The following CD84 variants were observed in gnomAD, a reference collection of about 807,000 sequenced individuals.
CD84 encodes CD84 molecule.
In CD84, 22 loss-of-function variants were observed where a neutral mutation model predicts 33.8. That is an observed-to-expected ratio of 0.65 (90% CI 0.46 to 0.93). CD84 has a LOEUF of 0.93. Among genes scored for constraint, CD84 ranks in the 40% least tolerant of loss-of-function variants. The pLI is 0.00. For missense variants in CD84, 400 were observed against 397.6 expected, an observed-to-expected ratio of 1.01 and a Z score of -0.05; for synonymous variants, 154 against 145.2, an observed-to-expected ratio of 1.06 and a Z score of -0.44.
At chr1:160,560,065 T>C (rs1656852195) in intron 2 of CD84, among the ~76,000 whole-genome samples, 1 of 152,076 alleles carries the variant, frequency 6.6e-6, no homozygotes, top group Non-Finnish European at 1.5e-5. Flanking sequence ...AACACCCTAC[T>C]TACCATATTA....
intron 1 of CD84, among the ~76,000 whole-genome samples, chr1:160,578,203 T>C (rs1268538502): frequency 6.6e-6 from 1 of 152,218 alleles, no homozygotes; most frequent in Non-Finnish European, 1.5e-5. Flanking sequence ...ATCTCAATGG[T>C]TTTCATATGG....
At chr1:160,549,367 C>A (rs959437641) in intron 6 of CD84, among the ~76,000 whole-genome samples, 16 of 152,276 alleles carry the variant, frequency 1.1e-4, no homozygotes, top group Admixed American at 3.3e-4. Context: ...CTCCTTAGAT[C>A]CCCAAAATTT....
chr1:160,557,358 T>C (rs986017920), intron 2 of CD84, among the ~76,000 whole-genome samples: 19 of 152,250 alleles, frequency 1.2e-4, no homozygotes, highest in African/African-American at 4.1e-4. Flanking sequence ...CATTCATTCT[T>C]TTTCAACAAA....
rs1655525576 is a variant in CD84 at position 160,541,193 on chromosome 1, T to C, written c.*7063A>G. 6.6e-6 allele frequency: 1 copy of C among 152,240 alleles called. No homozygotes were observed. Among genetic ancestry groups the C allele is most frequent in the Admixed American group, 6.5e-5 (1 of 15,284 alleles). The allele number at this position is 152,240 out of a possible 1,614,324, so 9.4% of individuals were successfully genotyped here. A position where few individuals can be genotyped will look rare whatever the true frequency, so the allele number is the denominator to read the frequency against. ...AAGGTAAAATTTATGAACCATACTT[T>C]ATTAATGGGCATTTACAAATGCCTG... is the stretch of plus-strand genomic sequence containing the variant. On this transcript the variant is annotated 3_prime_UTR_variant, in exon 7 of 7. Coordinates refer to ENST00000368054, the MANE Select transcript of CD84 (RefSeq NM_003874.4).
intron 2 of CD84, among the ~76,000 whole-genome samples, chr1:160,564,560 G>A (rs551418384): frequency 7.2e-5 from 11 of 152,294 alleles, no homozygotes; most frequent in African/African-American, 1.7e-4. Flanking sequence ...CATCCATACC[G>A]TGGAATACTA....
At chr1:160,562,275 C>T (rs1186727925) in intron 2 of CD84, among the ~76,000 whole-genome samples, 1 of 152,064 alleles carries the variant, frequency 6.6e-6, no homozygotes, top group East Asian at 1.9e-4. Flanking sequence ...CAAGACAGTC[C>T]TAAGCAAAAA....
intron 1 of CD84, among the ~76,000 whole-genome samples, chr1:160,568,665 C>T (rs573470304): frequency 5.3e-5 from 8 of 152,146 alleles, no homozygotes; most frequent in Admixed American, 3.3e-4. Flanking sequence ...CTGTCACCCA[C>T]GCTGGAGTGC....
At position 160,547,212 on chromosome 1, in the gene CD84, T is replaced by C. The variant is rs1260102154; in HGVS notation, c.*1044A>G. On this transcript the variant is annotated 3_prime_UTR_variant, in exon 7 of 7. Coordinates refer to ENST00000368054, the MANE Select transcript of CD84 (RefSeq NM_003874.4). The stretch of plus-strand genomic sequence containing the variant: ...TCTTTGGAACTGGGATGAACCCAGT[T>C]TCATCATCTGCACCATCATCTCCCA... 2.5e-6 allele frequency: 1 copy of C among 398,590 alleles called. No individual in the cohort carries two copies. 24.7% of individuals were successfully genotyped at this position (398,590 alleles called of 1,614,324 possible).
intron 6 of CD84, among the ~76,000 whole-genome samples, chr1:160,549,003 C>A (rs1426156188): frequency 1.3e-5 from 2 of 152,106 alleles, no homozygotes; most frequent in Admixed American, 1.3e-4. Context: ...TCCTTTTCTT[C>A]TCCTCTTCTT....
rs1278825639 is a variant in CD84 at position 160,579,468 on chromosome 1, G to T, written c.-31C>A. 1.2e-6 allele frequency: 2 copies of T among 1,612,168 alleles called. No homozygotes were observed. The highest frequency in any genetic ancestry group is 1.3e-5 in the African/African-American group (1 of 74,828). On this transcript the variant is annotated 5_prime_UTR_variant, in exon 1 of 7. Coordinates refer to ENST00000368054, the MANE Select transcript of CD84 (RefSeq NM_003874.4). The stretch of plus-strand genomic sequence containing the variant: ...TCAGGGTCTAACCTTCTGTGGAAAA[G>T]CACGGCACTGTTCTAGCAGAGTCAG...
chr1:160,574,974 T>A (rs1162533810), intron 1 of CD84, among the ~76,000 whole-genome samples: 1 of 151,896 alleles, frequency 6.6e-6, no homozygotes, highest in Non-Finnish European at 1.5e-5. Context: ...AAGGGAAAAA[T>A]TAGAGTTGGG....
rs1427222177 is a variant in CD84, at chr1:160,579,414, G to C, written c.24C>G (p.Ile8Met). 1.2e-6 allele frequency: 2 copies of C among 1,613,156 alleles called. No individual in the cohort carries two copies. The highest frequency in any genetic ancestry group is 1.7e-6 in the Non-Finnish European group (2 of 1,179,446). Residue 8 changes from isoleucine (I) to methionine (M), a missense_variant, in exon 1 of 7, where the codon ATC becomes ATG. Physicochemically the swap from Ile to Met is conservative, Grantham distance 10 (BLOSUM62 1). Coordinates refer to ENST00000368054, the MANE Select transcript of CD84 (RefSeq NM_003874.4). MAQHHLWILLLCLQTWPE... is the reference protein window; with the variant it reads MAQHHLWMLLLCLQTWPE... ...CACAGGTTTGCAGGCAAAGGAGCAAGATCCATAGGTGGTGCTGAGCCATCT... is the reference window on the plus strand; with the variant it reads ...CACAGGTTTGCAGGCAAAGGAGCAACATCCATAGGTGGTGCTGAGCCATCT...
chr1:160,559,145 C>G (rs926650476), intron 2 of CD84, among the ~76,000 whole-genome samples: 4 of 152,126 alleles, frequency 2.6e-5, no homozygotes, highest in Admixed American at 2.6e-4. Context: ...AAGTGAGATA[C>G]TCCATGAGAA....
At chr1:160,575,604 G>A (rs1274566946) in intron 1 of CD84, among the ~76,000 whole-genome samples, 5 of 151,984 alleles carry the variant, frequency 3.3e-5, no homozygotes. Context: ...TGAACACTGA[G>A]TATAACAAAG....
intron 1 of CD84, among the ~76,000 whole-genome samples, chr1:160,572,947 G>T (rs979478980): frequency 1.3e-5 from 2 of 152,086 alleles, no homozygotes; most frequent in Non-Finnish European, 2.9e-5. Context: ...CTCACTGGAG[G>T]TTGCCTTCCC....
chr1:160,575,356 G>A (rs769616669), intron 1 of CD84, among the ~76,000 whole-genome samples: 8 of 152,080 alleles, frequency 5.3e-5, no homozygotes, highest in Non-Finnish European at 1.2e-4. Flanking sequence ...TCTCCAAAGC[G>A]ACGGAAAGTC....
intron 2 of CD84, among the ~76,000 whole-genome samples, chr1:160,564,642 G>A (rs1175963451): frequency 6.6e-6 from 1 of 152,206 alleles, no homozygotes; most frequent in Non-Finnish European, 1.5e-5. Flanking sequence ...ATTACGCTAA[G>A]TGAAAAATAC....
rs763637894 is a variant in CD84, at chr1:160,544,951, A to G, written c.*3305T>C. On this transcript the variant is annotated 3_prime_UTR_variant, in exon 7 of 7. Coordinates refer to ENST00000368054, the MANE Select transcript of CD84 (RefSeq NM_003874.4). Reference sequence around the variant, plus strand: ...TTGGTCTGATACAAGATCCTGTTCCATGATGCTTTGATTTTATAGACCTCT... The same window carrying G: ...TTGGTCTGATACAAGATCCTGTTCCGTGATGCTTTGATTTTATAGACCTCT... 12 of 152,212 alleles carry G rather than the reference A, an allele frequency of 7.9e-5. No individual in the cohort carries two copies. Among genetic ancestry groups the G allele is most frequent in the Admixed American group, 4.6e-4 (7 of 15,284 alleles). The allele number at this position is 152,212 out of a possible 1,614,324, so 9.4% of individuals were successfully genotyped here. A position where few individuals can be genotyped will look rare whatever the true frequency, so the allele number is the denominator to read the frequency against.
intron 2 of CD84, among the ~76,000 whole-genome samples, chr1:160,564,471 A>G (rs1310976240): frequency 6.6e-6 from 1 of 152,250 alleles, no homozygotes; most frequent in African/African-American, 2.4e-5. Context: ...ATATATTCAC[A>G]GCAGCTTTAT....
Sources: allele counts gnomAD v4.1 joint callset (sites outside exome capture counted in the v4.1 genomes callset), GRCh38; gene constraint gnomAD v4.1.1; transcripts MANE v1.5; gene names NCBI Gene and HGNC (gene_info 2026-07-23, HGNC 2026-07-21).